Variants in PDE7B observed in about 807,000 individuals in gnomAD.
PDE7B encodes the protein 3',5'-cyclic-AMP phosphodiesterase 7B.
PDE7B carries 29 observed loss-of-function variants against 56.2 expected under a neutral mutation model. The observed-to-expected ratio is 0.52, with a 90% CI of 0.38 to 0.70. The LOEUF is 0.70. Among genes scored for constraint, PDE7B ranks in the 30% least tolerant of loss-of-function variants. The pLI, the probability that PDE7B is intolerant of heterozygous loss-of-function variation, is 0.00. For synonymous variants in PDE7B, 197 were observed against 196.9 expected (o/e 1.00, Z 0.00); for missense variants, 490 against 565.0 (o/e 0.87, Z 1.35).
chr6:136,174,988 A>T (rs1355542841), intron 9 of PDE7B, among the ~76,000 whole-genome samples: 1 of 152,212 alleles, frequency 6.6e-6, no homozygotes, highest in African/African-American at 2.4e-5. Flanking sequence ...GAGACAAGGA[A>T]GAAAGAAGGA....
intron 1 of PDE7B, among the ~76,000 whole-genome samples, chr6:135,879,157 C>T (rs1034854824): frequency 6.6e-6 from 1 of 151,878 alleles, no homozygotes; most frequent in Non-Finnish European, 1.5e-5. Flanking sequence ...TTGGACGCCT[C>T]CCATGAATTG....
intron 3 of PDE7B, among the ~76,000 whole-genome samples, chr6:136,111,526 T>C (rs1248304185): frequency 6.6e-6 from 1 of 152,166 alleles, no homozygotes; most frequent in Non-Finnish European, 1.5e-5. Context: ...CTAACTTAGT[T>C]TGCAATTACA....
At chr6:136,068,526 G>A (rs961019258) in intron 2 of PDE7B, among the ~76,000 whole-genome samples, 3 of 148,280 alleles carry the variant, frequency 2.0e-5, no homozygotes, top group Non-Finnish European at 4.4e-5. Flanking sequence ...CGCCTCCCGG[G>A]TTCACACCAT....
intron 9 of PDE7B, among the ~76,000 whole-genome samples, chr6:136,176,376 T>A (rs567917133): frequency 6.6e-6 from 1 of 151,938 alleles, no homozygotes; most frequent in Non-Finnish European, 1.5e-5. Flanking sequence ...CTTTTCAGTT[T>A]ATTTTCTGTG....
At chr6:136,044,233 G>A (rs145433414) in intron 2 of PDE7B, 2 of 152,088 alleles carry the variant, frequency 1.3e-5, no homozygotes, top group Non-Finnish European at 2.9e-5. Flanking sequence ...ACTTAATTTT[G>A]TTACAATTAG....
intron 1 of PDE7B, among the ~76,000 whole-genome samples, chr6:135,858,848 T>C (rs988094118): frequency 2.0e-5 from 3 of 152,216 alleles, no homozygotes; most frequent in Non-Finnish European, 4.4e-5. Context: ...ATTTTTCACA[T>C]TAACTATACA....
intron 6 of PDE7B, 27 bp downstream of exon 6, chr6:136,151,282 C>T (rs748610073): frequency 8.3e-7 from 1 of 1,204,632 alleles, no homozygotes; most frequent in South Asian, 1.2e-5. Flanking sequence ...ACATTTCTAG[C>T]CCCATTCTCT....
chr6:135,926,899 G>A lies in PDE7B; in HGVS notation c.22-20565G>A, dbSNP rs150416346. ...CAAAATGTTGACTCATAAAGATTCC[G>A]CATAATCTTTATGAATTCTTTGAAT... On this transcript the variant is annotated intron_variant, in intron 1 of 12. Coordinates refer to ENST00000308191, the MANE Select transcript of PDE7B (RefSeq NM_018945.4). Among the ~76,000 whole-genome samples the A allele has an allele frequency of 6.8e-4, 104 of 152,168 alleles. 1 individual carries two copies. In the East Asian group the frequency reaches 0.017, roughly 24 times the overall value.
At chr6:135,859,780 C>T (rs1775110923) in intron 1 of PDE7B, among the ~76,000 whole-genome samples, 1 of 151,726 alleles carries the variant, frequency 6.6e-6, no homozygotes, top group Non-Finnish European at 1.5e-5. Flanking sequence ...GAGAATACAG[C>T]CTATTTAAAA....
Position 135,852,122 on chromosome 6 carries a change from GT to G in PDE7B, c.21+109del, listed in dbSNP as rs915355945. ...TTAAAATGAACCTGTACATATATAT[GT>G]TTTTTGTCTGTGATTGTTACTACAG... is the stretch of plus-strand genomic sequence containing the variant. On this transcript the variant is annotated intron_variant, in intron 1 of 12. Coordinates refer to ENST00000308191, the MANE Select transcript of PDE7B (RefSeq NM_018945.4). 7.9e-5 allele frequency: 65 copies of G among 825,816 alleles called. 1 individual carries two copies. The African/African-American group carries it at 9.3e-4, about 12-fold the overall frequency. 51.2% of individuals were successfully genotyped at this position (825,816 alleles called of 1,614,324 possible).
intron 9 of PDE7B, among the ~76,000 whole-genome samples, chr6:136,175,366 G>C: frequency 6.6e-6 from 1 of 152,044 alleles, no homozygotes; most frequent in East Asian, 1.9e-4. Context: ...TAGAAAGTAA[G>C]GAAAATTCAG....
chr6:136,009,793 ACTT>A (rs1775856506), intron 2 of PDE7B, among the ~76,000 whole-genome samples: 1 of 152,086 alleles, frequency 6.6e-6, no homozygotes, highest in South Asian at 2.1e-4. Flanking sequence ...GGACAATTTG[ACTT>A]CTTCTTTTCC....
chr6:135,925,813 AT>A (rs1357968366), intron 1 of PDE7B, among the ~76,000 whole-genome samples: 3 of 151,894 alleles, frequency 2.0e-5, no homozygotes, highest in Non-Finnish European at 2.9e-5. Flanking sequence ...TAGCCTGACT[AT>A]TTTTTCCCTG....
intron 2 of PDE7B, among the ~76,000 whole-genome samples, chr6:136,061,999 A>G (rs1485569178): frequency 1.3e-5 from 2 of 152,224 alleles, no homozygotes; most frequent in Non-Finnish European, 2.9e-5. Flanking sequence ...GGGATAAGAC[A>G]GAAATTGAAA....
chr6:135,892,940 T>A (rs1308690815), intron 1 of PDE7B, among the ~76,000 whole-genome samples: 1 of 152,180 alleles, frequency 6.6e-6, no homozygotes, highest in Non-Finnish European at 1.5e-5. Flanking sequence ...TTCCTTATTC[T>A]CTTCTACCCA....
At chr6:136,004,287 G>A (rs967911394) in intron 2 of PDE7B, among the ~76,000 whole-genome samples, 135 of 152,136 alleles carry the variant, frequency 8.9e-4, no homozygotes, top group Admixed American at 2.5e-3. Flanking sequence ...CTTTGAAAAC[G>A]GGCACAAGAC....
At chr6:136,060,924 A>G (rs1381896520) in intron 2 of PDE7B, among the ~76,000 whole-genome samples, 2 of 152,166 alleles carry the variant, frequency 1.3e-5, no homozygotes, top group Non-Finnish European at 2.9e-5. Context: ...CTCTCAGTGA[A>G]GGCATCAGTA....
chr6:136,142,418 G>A (rs1302372320), intron 3 of PDE7B, among the ~76,000 whole-genome samples: 4 of 152,192 alleles, frequency 2.6e-5, no homozygotes, highest in African/African-American at 9.7e-5. Flanking sequence ...GTGCTGAGAA[G>A]AATGTATATT....
At chr6:135,958,499 A>G (rs968437411) in intron 2 of PDE7B, among the ~76,000 whole-genome samples, 5 of 152,168 alleles carry the variant, frequency 3.3e-5, no homozygotes, top group Non-Finnish European at 4.4e-5. Context: ...AATTATTAAT[A>G]TAGGTTTATG....
Sources: allele counts gnomAD v4.1 joint callset (sites outside exome capture counted in the v4.1 genomes callset), GRCh38; gene constraint gnomAD v4.1.1; transcripts MANE v1.5; gene names NCBI Gene and HGNC (gene_info 2026-07-23, HGNC 2026-07-21).